The following SLC20A2 variants were observed in gnomAD, a reference collection of about 807,000 sequenced individuals.
The protein encoded by SLC20A2 is sodium-dependent phosphate transporter 2.
A neutral mutation model predicts 61.0 loss-of-function variants in SLC20A2; 30 were observed. That is an observed-to-expected ratio of 0.49 (90% confidence interval 0.37 to 0.67). SLC20A2 has a LOEUF of 0.67. Ranked by LOEUF, SLC20A2 falls within the 30% of genes least tolerant of loss-of-function variation. The probability of loss-of-function intolerance (pLI) is 0.00; values close to 1 mark genes in which losing one functional copy is unlikely to be tolerated. For missense variants in SLC20A2, 626 were observed against 866.4 expected, an observed-to-expected ratio of 0.72 and a Z score of 3.48; for synonymous variants, 351 against 353.3, an observed-to-expected ratio of 0.99 and a Z score of 0.07.
chr8:42,509,550 T>C (rs6474401), intron 1 of SLC20A2, among the ~76,000 whole-genome samples: 48,443 of 151,758 alleles, frequency 0.32, 8,401 homozygotes, highest in East Asian at 0.46. Flanking sequence ...CTGGGCAACA[T>C]AGTGAGATTT....
upstream of SLC20A2, among the ~76,000 whole-genome samples, chr8:42,503,473 G>A (rs1047803580): frequency 1.3e-5 from 2 of 152,050 alleles, no homozygotes; most frequent in Non-Finnish European, 2.9e-5. Flanking sequence ...AACCTTCTAT[G>A]AGCAGTTACA....
intron 1 of SLC20A2, among the ~76,000 whole-genome samples, chr8:42,510,945 T>C (rs1366989407): frequency 6.6e-6 from 1 of 152,010 alleles, no homozygotes; most frequent in Non-Finnish European, 1.5e-5. Context: ...TATAAAGTAA[T>C]GATGAAGGAG....
chr8:42,499,409 C>T (rs138946396), intron 1 of SLC20A2, among the ~76,000 whole-genome samples: 1 of 152,154 alleles, frequency 6.6e-6, no homozygotes, highest in Non-Finnish European at 1.5e-5. Context: ...TCTCACTCAC[C>T]GCTGCCACTC....
intron 5 of SLC20A2, among the ~76,000 whole-genome samples, chr8:42,449,468 G>A (rs189801060): frequency 6.6e-6 from 1 of 152,214 alleles, no homozygotes; most frequent in Admixed American, 6.5e-5. Context: ...CTTTTTATAC[G>A]AGCTCAGTCT....
rs13260017 is a variant in SLC20A2, at chr8:42,533,675, T to C, written c.-265+8146A>G. ...TGTTCTTTTTTTTTTTTTTTTTTTT[T>C]TGAGACGGGAGTCTTACTCTGTCGC... On this transcript the variant is annotated intron_variant, in intron 1 of 10. Transcript: ENST00000342228. 2.1e-5 allele frequency among the ~76,000 whole-genome samples: 3 copies of C among 142,054 alleles called. No individual in the cohort carries two copies. In the East Asian group the frequency reaches 6.2e-4, roughly 29 times the overall value. 93.2% of individuals were successfully genotyped at this position (142,054 alleles called of 152,430 possible).
intron 1 of SLC20A2, among the ~76,000 whole-genome samples, chr8:42,491,876 A>G (rs935989437): frequency 4.6e-5 from 7 of 152,212 alleles, no homozygotes; most frequent in Non-Finnish European, 1.5e-5. Context: ...ATGCACATCT[A>G]TACTCACTTG....
At chr8:42,520,082 C>T (rs1320160293) in intron 1 of SLC20A2, among the ~76,000 whole-genome samples, 2 of 143,708 alleles carry the variant, frequency 1.4e-5, no homozygotes, top group African/African-American at 2.6e-5. Flanking sequence ...GACATGATCT[C>T]GGCTCACTAC....
At chr8:42,471,965 A>G (rs1323266806) in intron 2 of SLC20A2, 137 bp downstream of exon 2, 3 of 712,768 alleles carry the variant, frequency 4.2e-6, no homozygotes, top group Non-Finnish European at 7.1e-6. Flanking sequence ...AAGCAAAAAT[A>G]AGAGAGTAAA....
At chr8:42,530,380 A>G (rs1320948588) in intron 1 of SLC20A2, among the ~76,000 whole-genome samples, 1 of 152,218 alleles carries the variant, frequency 6.6e-6, no homozygotes, top group Non-Finnish European at 1.5e-5. Flanking sequence ...GGTTGGTATT[A>G]AATATATATA....
intron 1 of SLC20A2, among the ~76,000 whole-genome samples, chr8:42,498,145 C>T (rs1025054606): frequency 1.3e-5 from 2 of 152,174 alleles, no homozygotes; most frequent in Non-Finnish European, 2.9e-5. Flanking sequence ...ATATTTATTG[C>T]ACTTTATAAC....
At chr8:42,493,876 G>A (rs760274160) in intron 1 of SLC20A2, among the ~76,000 whole-genome samples, 1 of 152,188 alleles carries the variant, frequency 6.6e-6, no homozygotes, top group African/African-American at 2.4e-5. Flanking sequence ...TGGGCATGGT[G>A]GCTTATCTCT....
In SLC20A2 at chr8:42,439,597, CCTTA is replaced by C; in HGVS notation, c.783_786del (p.Ser261ArgfsTer56). 1.2e-6 allele frequency: 2 copies of C among 1,614,224 alleles called. No homozygotes were observed. Among genetic ancestry groups the C allele is most frequent in the Non-Finnish European group, 1.7e-6 (2 of 1,180,048 alleles). ...AATACTGGGGACTCTGCTTCCTGAA[CCTTA>C]CTGAGGCTTTCGTCAGATACTCGTG... On this transcript the variant is annotated frameshift_variant, in exon 7 of 11. Transcript: ENST00000520262. LOFTEE classifies it high-confidence loss of function.
intron 1 of SLC20A2, chr8:42,541,611 C>T: frequency 6.7e-6 from 1 of 149,754 alleles, no homozygotes. Flanking sequence ...CAGGTCCGCT[C>T]GGTAACCGTT....
intron 1 of SLC20A2, among the ~76,000 whole-genome samples, chr8:42,493,865 C>T (rs1276224382): frequency 3.9e-5 from 6 of 152,174 alleles, no homozygotes; most frequent in Non-Finnish European, 8.8e-5. Context: ...ATAATATTGG[C>T]TGGGCATGGT....
At chr8:42,446,904 TATAAGA>T (rs1357494832) in intron 5 of SLC20A2, among the ~76,000 whole-genome samples, 1 of 152,130 alleles carries the variant, frequency 6.6e-6, no homozygotes, top group Admixed American at 6.5e-5. Flanking sequence ...ATATATATAC[TATAAGA>T]ATGTCACTTT....
chr8:42,520,466 C>T lies in SLC20A2; in HGVS notation c.-265+21355G>A, dbSNP rs1811581080. On this transcript the variant is annotated intron_variant, in intron 1 of 10. Transcript: ENST00000342228. ...TTGAGGCTGGGGGCGGTGGCTTACG[C>T]CTGTAATCCCAGCACTTTGGGAGGC... Among the ~76,000 whole-genome samples the T allele has an allele frequency of 3.3e-5, 2 of 60,314 alleles. 1 individual carries two copies. Among genetic ancestry groups the T allele is most frequent in the Non-Finnish European group, 1.1e-4 (2 of 17,392 alleles). The allele number at this position is 60,314 out of a possible 152,430, so 39.6% of individuals were successfully genotyped here.
intron 1 of SLC20A2, among the ~76,000 whole-genome samples, chr8:42,489,075 G>A (rs920634770): frequency 1.3e-5 from 2 of 151,724 alleles, no homozygotes; most frequent in Non-Finnish European, 2.9e-5. Flanking sequence ...GAGCAGCTGG[G>A]ATTACAGATG....
At chr8:42,447,501 C>T (rs1224243846) in intron 5 of SLC20A2, among the ~76,000 whole-genome samples, 2 of 151,848 alleles carry the variant, frequency 1.3e-5, no homozygotes, top group Admixed American at 6.6e-5. Flanking sequence ...CACGGTGAAA[C>T]CCCGTCTCTA....
intron 1 of SLC20A2, among the ~76,000 whole-genome samples, chr8:42,531,067 A>G (rs1171721869): frequency 6.6e-6 from 1 of 152,132 alleles, no homozygotes; most frequent in African/African-American, 2.4e-5. Flanking sequence ...CTACACACAT[A>G]TATTTTAGCA....
Sources: gnomAD v4.1 joint callset for allele counts (sites outside exome capture counted in the v4.1 genomes callset) on GRCh38, gnomAD v4.1.1 for gene constraint, MANE v1.5 for transcripts, NCBI Gene and HGNC (gene_info 2026-07-23, HGNC 2026-07-21) for gene names.